Variants in LSG1 observed in about 807,000 individuals in gnomAD.
The protein encoded by LSG1 is large subunit GTPase 1 homolog.
Under a neutral mutation model 82.6 loss-of-function variants are expected in LSG1, and 55 were observed. The observed-to-expected ratio is 0.67, with a 90% CI of 0.54 to 0.83. The LOEUF is 0.83. Among genes scored for constraint, LSG1 ranks in the 40% least tolerant of loss-of-function variants. LSG1 has a pLI of 0.00. For missense variants in LSG1, 809 were observed against 807.9 expected (o/e 1.00, Z -0.02); for synonymous variants, 272 against 282.5 (o/e 0.96, Z 0.37).
chr3:194,666,366 G>C (rs1719029812), intron 3 of LSG1, 77 bp from the exon 4 acceptor site: 1 of 1,595,952 alleles, frequency 6.3e-7, no homozygotes, highest in Non-Finnish European at 8.6e-7. Context: ...TCTAATAATG[G>C]CAGCTGAGAA....
chr3:194,648,596 A>C, intron 11 of LSG1, 85 bp downstream of exon 11: 1 of 1,373,312 alleles, frequency 7.3e-7, no homozygotes, highest in Non-Finnish European at 1.0e-6. Flanking sequence ...GCAGAACAGC[A>C]ATTCTAGTAC....
chr3:194,641,797 G>C lies in LSG1; in HGVS notation c.*271C>G, dbSNP rs563162295. The C allele has an allele frequency of 4.7e-4, 135 of 284,246 alleles. 1 individual carries two copies. The highest frequency in any genetic ancestry group is 2.7e-3 in the African/African-American group (121 of 45,406). The allele number at this position is 284,246 out of a possible 1,614,324, so 17.6% of individuals were successfully genotyped here. ...CCTGGCTAATTTTTTTGTATTTTTA[G>C]TAGAGACGGGGTTTCTCCATGTTGG... On this transcript the variant is annotated 3_prime_UTR_variant, in exon 14 of 14. Coordinates refer to ENST00000265245, the MANE Select transcript of LSG1 (RefSeq NM_018385.3).
At chr3:194,655,718 G>A (rs1051613896) in intron 7 of LSG1, among the ~76,000 whole-genome samples, 3 of 152,032 alleles carry the variant, frequency 2.0e-5, no homozygotes, top group African/African-American at 7.2e-5. Flanking sequence ...AAAGAACAAA[G>A]CTGGAGGCAT....
In LSG1 at chr3:194,667,719, C is replaced by T. The variant is rs571956887; in HGVS notation, c.227-1147G>A. Among the ~76,000 whole-genome samples the T allele has an allele frequency of 1.5e-3, 230 of 151,128 alleles. 1 individual carries two copies. The highest frequency in any genetic ancestry group is 5.2e-3 in the African/African-American group (215 of 41,148). On this transcript the variant is annotated intron_variant, in intron 2 of 13. Transcript: ENST00000265245. The stretch of plus-strand genomic sequence containing the variant: ...TGGGCGGATCACAAGGTCACGAGTT[C>T]GAGACCAGCCTGGCCTACAAGGTGA...
Position 194,666,192 on chromosome 3 carries a change from A to T in LSG1, c.434+11T>A. 6.2e-7 allele frequency: 1 copy of T among 1,609,680 alleles called. No homozygotes were observed. Among genetic ancestry groups the T allele is most frequent in the Middle Eastern group, 1.7e-4 (1 of 6,060 alleles). ...TTCAAAGTAAGTCTTCATAGAGTCT[A>T]TAATACTCACCGGACAAGCTGACGT... is the stretch of plus-strand genomic sequence containing the variant. On this transcript the variant is annotated intron_variant, in intron 4 of 13. Coordinates refer to ENST00000265245, the MANE Select transcript of LSG1 (RefSeq NM_018385.3).
chr3:194,645,537 C>CAGACACACACACACACACACAGACAG (rs1560219647), intron 12 of LSG1: 2 of 27,278 alleles, frequency 7.3e-5, no homozygotes, highest in East Asian at 2.3e-3. Flanking sequence ...CACAGACAGA[C>CAGACACACACACACACACACAGACAG]ACACACACAC....
intron 7 of LSG1, 41 bp downstream of exon 7, chr3:194,658,916 T>TG (rs1718862404): frequency 6.7e-7 from 1 of 1,482,738 alleles, no homozygotes; most frequent in East Asian, 2.5e-5. Context: ...GAAATCAAAA[T>TG]TCCCTCTTTG....
intron 12 of LSG1, chr3:194,645,539 C>CACACACACACACACACACAGACAG (rs1718516659): frequency 3.1e-5 from 1 of 32,386 alleles, no homozygotes; most frequent in Non-Finnish European, 6.8e-5. Flanking sequence ...CAGACAGACA[C>CACACACACACACACACACAGACAG]ACACACACAC....
chr3:194,659,034 A>G lies in LSG1; in HGVS notation c.682T>C (p.Tyr228His). 6.2e-7 allele frequency: 1 copy of G among 1,614,244 alleles called. No individual in the cohort carries two copies. The highest frequency in any genetic ancestry group is 8.5e-7 in the Non-Finnish European group (1 of 1,180,030). The change falls in exon 7 of 14, where the codon TAC becomes CAC. Residue 228 changes from tyrosine to histidine, a missense_variant. Coordinates refer to ENST00000265245, the MANE Select transcript of LSG1 (RefSeq NM_018385.3). The stretch of plus-strand genomic sequence containing the variant: ...ACCTTCACATCTTCTTTTTCGAAGT[A>G]CATGGCCCAGGCACTCCGCTGCTCA... The part of the protein sequence containing the change: ...TAEQRSAWAM[Y>H]FEKEDVKVIF...
At chr3:194,642,924 T>C (rs866908531) in intron 13 of LSG1, among the ~76,000 whole-genome samples, 44 of 152,350 alleles carry the variant, frequency 2.9e-4, no homozygotes, top group African/African-American at 1.1e-3. Context: ...AAGCATGCCC[T>C]TGGGTAACTC....
chr3:194,669,569 T>G (rs893740800), intron 2 of LSG1, among the ~76,000 whole-genome samples: 5 of 152,162 alleles, frequency 3.3e-5, no homozygotes, highest in African/African-American at 4.8e-5. Context: ...CTGCTTCACA[T>G]CTGGGCTCGA....
intron 7 of LSG1, among the ~76,000 whole-genome samples, chr3:194,654,664 A>T (rs1718756410): frequency 6.6e-6 from 1 of 152,210 alleles, no homozygotes; most frequent in African/African-American, 2.4e-5. Context: ...AAGTAGCATA[A>T]AAACAAGAAT....
chr3:194,645,537 C>CACACACACACAG (rs1718515576), intron 12 of LSG1: 2 of 27,254 alleles, frequency 7.3e-5, no homozygotes, highest in Admixed American at 7.7e-4. Context: ...CACAGACAGA[C>CACACACACACAG]ACACACACAC....
At chr3:194,671,251 G>A (rs748962) in intron 1 of LSG1, among the ~76,000 whole-genome samples, 98,083 of 152,044 alleles carry the variant, frequency 0.65, 32,393 homozygotes, top group East Asian at 0.87. Flanking sequence ...GGCTTCATTA[G>A]TAACAAGTTG....
chr3:194,652,910 T>A lies in LSG1; in HGVS notation c.992A>T (p.Asp331Val). The A allele has an allele frequency of 6.2e-7, 1 of 1,614,154 alleles. No individual in the cohort carries two copies. Among genetic ancestry groups the A allele is most frequent in the Non-Finnish European group, 8.5e-7 (1 of 1,180,028 alleles). ...GCTTTCCTTCCAGTCCTGGCTGCAG[T>A]CCTCTTCCTTGGGACCGTCTTCTTC... is the stretch of plus-strand genomic sequence containing the variant. ...CSEEDGPKEE[D>V]CSQDWKESST... Residue 331 changes from aspartate (D) to valine (V), a missense_variant, in exon 8 of 14, where the codon GAC (aspartate) becomes GTC (valine). Coordinates refer to ENST00000265245, the MANE Select transcript of LSG1 (RefSeq NM_018385.3).
chr3:194,669,574 G>A (rs1042605802), intron 2 of LSG1, among the ~76,000 whole-genome samples: 1 of 152,094 alleles, frequency 6.6e-6, no homozygotes, highest in African/African-American at 2.4e-5. Flanking sequence ...TCACATCTGG[G>A]CTCGAGTCCT....
At chr3:194,648,094 T>A (rs1206086330) in intron 11 of LSG1, among the ~76,000 whole-genome samples, 1 of 151,456 alleles carries the variant, frequency 6.6e-6, no homozygotes, top group Admixed American at 6.6e-5. Flanking sequence ...TTTTTTTTTT[T>A]TTTTAGGTAG....
intron 7 of LSG1, among the ~76,000 whole-genome samples, chr3:194,653,634 G>A (rs1718731205): frequency 6.6e-6 from 1 of 152,164 alleles, no homozygotes; most frequent in Non-Finnish European, 1.5e-5. Flanking sequence ...ACCATCGAGG[G>A]TGGCGCCCTC....
intron 5 of LSG1, among the ~76,000 whole-genome samples, chr3:194,663,120 T>C (rs1048402474): frequency 1.3e-5 from 2 of 151,884 alleles, no homozygotes; most frequent in African/African-American, 2.4e-5. Context: ...AGATGGAGGG[T>C]GCTGTCCTCA....
Sources: allele counts gnomAD v4.1 joint callset (sites outside exome capture counted in the v4.1 genomes callset), GRCh38; gene constraint gnomAD v4.1.1; transcripts MANE v1.5; gene names NCBI Gene and HGNC (gene_info 2026-07-23, HGNC 2026-07-21).